Variants in BACH1 observed in about 807,000 individuals in gnomAD.
BACH1 encodes BTB domain and CNC homolog 1.
BACH1 carries 35 observed loss-of-function variants against 52.9 expected under a neutral mutation model. The ratio of observed to expected loss-of-function variants is 0.66; its 90% CI spans 0.51 to 0.88. The LOEUF (loss-of-function observed/expected upper bound fraction) is 0.88. BACH1 is among the 40% of genes least tolerant of loss of function. The probability of loss-of-function intolerance (pLI) is 0.00; values close to 1 mark genes in which losing one functional copy is unlikely to be tolerated. For missense variants in BACH1, 808 were observed against 872.6 expected (o/e 0.93, Z 0.93); for synonymous variants, 321 against 319.6 (o/e 1.00, Z -0.05).
At position 29,343,237 on chromosome 21, in the gene BACH1, T is replaced by C. The variant is rs1371492042; in HGVS notation, c.*404T>C. 1 of 155,894 alleles carries C rather than the reference T, an allele frequency of 6.4e-6. No individual in the cohort carries two copies. The highest frequency in any genetic ancestry group is 1.4e-5 in the Non-Finnish European group (1 of 70,354). 9.7% of individuals were successfully genotyped at this position (155,894 alleles called of 1,614,324 possible). On this transcript the variant is annotated 3_prime_UTR_variant, in exon 5 of 5. Transcript: ENST00000286800. ...CCTGCAGAAGTTTAATAATTTGACT[T>C]TTTTCTAATATTTTAGTTTGAAAGA...
chr21:29,301,957 G>A (rs1321347168), intron 1 of BACH1, among the ~76,000 whole-genome samples: 1 of 152,140 alleles, frequency 6.6e-6, no homozygotes, highest in African/African-American at 2.4e-5. Flanking sequence ...CATGTGCCAT[G>A]TGCCTTCTAC....
chr21:29,344,634 TTGTG>T lies in BACH1; in HGVS notation c.*1833_*1836del, dbSNP rs10595449. 11,375 of 149,204 alleles carry T rather than the reference TTGTG, an allele frequency of 0.076. 758 individuals carry two copies. The highest frequency in any genetic ancestry group is 0.32 in the East Asian group (1,614 of 5,090). The allele number at this position is 149,204 out of a possible 1,614,324, so 9.2% of individuals were successfully genotyped here. ...AGTGCATCCCATACTGCAAAAGAAT[TTGTG>T]TGTGTGTGTGTGTGTGTGTGTGTGT... On this transcript the variant is annotated 3_prime_UTR_variant, in exon 5 of 5. Transcript: ENST00000286800.
intron 1 of BACH1, among the ~76,000 whole-genome samples, chr21:29,320,520 A>G (rs2088835940): frequency 6.6e-6 from 1 of 152,184 alleles, no homozygotes; most frequent in Admixed American, 6.5e-5. Flanking sequence ...TTTTCTTAGC[A>G]TTTTGAGAAA....
chr21:29,312,030 C>T (rs1013579770), intron 1 of BACH1, among the ~76,000 whole-genome samples: 3 of 152,214 alleles, frequency 2.0e-5, no homozygotes, highest in African/African-American at 7.2e-5. Context: ...CCTAGAGCAG[C>T]GCTAGCTGCT....
chr21:29,304,129 CTTTT>C (rs398040580), intron 1 of BACH1, among the ~76,000 whole-genome samples: 1 of 136,914 alleles, frequency 7.3e-6, no homozygotes. Context: ...TTTTTTTTTT[CTTTT>C]TTTTTTTTTT....
chr21:29,317,626 TGTTAA>T (rs964942132), intron 1 of BACH1, among the ~76,000 whole-genome samples: 4 of 152,108 alleles, frequency 2.6e-5, no homozygotes, highest in African/African-American at 9.7e-5. Context: ...CTTGAGGACG[TGTTAA>T]GGATTTTGAA....
intron 4 of BACH1, among the ~76,000 whole-genome samples, chr21:29,334,223 G>C: frequency 6.6e-6 from 1 of 150,804 alleles, no homozygotes; most frequent in Middle Eastern, 3.2e-3. Flanking sequence ...TCGGCCTCCC[G>C]AGTAGCTGGG....
intron 1 of BACH1, among the ~76,000 whole-genome samples, chr21:29,320,388 A>G (rs984670860): frequency 6.6e-6 from 1 of 152,230 alleles, no homozygotes; most frequent in African/African-American, 2.4e-5. Flanking sequence ...TCTGAAAAAT[A>G]TAGATAAGCA....
chr21:29,360,858 A>AC (rs1055288142), intron 2 of BACH1, among the ~76,000 whole-genome samples: 12 of 151,374 alleles, frequency 7.9e-5, no homozygotes, highest in Non-Finnish European at 1.5e-4. Context: ...AAAAAAAAAA[A>AC]AAACAAAAAA....
rs1056830 is a variant in BACH1, at chr21:29,345,212, A to G, written c.*2379A>G. The G allele has an allele frequency of 1.3e-5, 2 of 152,652 alleles. No individual in the cohort carries two copies. Among genetic ancestry groups the G allele is most frequent in the South Asian group, 2.1e-4 (1 of 4,838 alleles). The allele number at this position is 152,652 out of a possible 1,614,324, so 9.5% of individuals were successfully genotyped here. The stretch of plus-strand genomic sequence containing the variant: ...GGCCATAAGTGGGAAAGTTTTCTGT[A>G]TATTGCATAGCATTACACATTTATG... On this transcript the variant is annotated 3_prime_UTR_variant, in exon 5 of 5. Transcript: ENST00000286800.
intron 1 of BACH1, among the ~76,000 whole-genome samples, chr21:29,307,480 CCACCCACTGTTTTACTTTCAG>C (rs1225508714): frequency 6.6e-6 from 1 of 151,992 alleles, no homozygotes; most frequent in African/African-American, 2.4e-5. Context: ...AGTAGGATCC[CCACCCACTGTTTTACTTTCAG>C]CAGTTTGTTA....
chr21:29,327,547 C>CT, intron 3 of BACH1, among the ~76,000 whole-genome samples, 154 bp downstream of exon 3: 1 of 152,284 alleles, frequency 6.6e-6, no homozygotes, highest in East Asian at 1.9e-4. Context: ...TGTGATAGGG[C>CT]TGGGCGCAGT....
intron 1 of BACH1, among the ~76,000 whole-genome samples, chr21:29,302,266 G>A (rs1200902130): frequency 6.6e-6 from 1 of 152,202 alleles, no homozygotes; most frequent in African/African-American, 2.4e-5. Context: ...GATGGCCAAG[G>A]TATGGGTAAT....
At chr21:29,327,880 C>T (rs2088933540) in intron 3 of BACH1, among the ~76,000 whole-genome samples, 1 of 152,216 alleles carries the variant, frequency 6.6e-6, no homozygotes, top group African/African-American at 2.4e-5. Context: ...GTTTGAAGGA[C>T]TTCTGTTCAT....
intron 1 of BACH1, among the ~76,000 whole-genome samples, chr21:29,314,900 C>T (rs1424114744): frequency 6.6e-6 from 1 of 152,134 alleles, no homozygotes; most frequent in Non-Finnish European, 1.5e-5. Flanking sequence ...AGCCTGTAAA[C>T]GGTTAAAGAA....
At position 29,311,654 on chromosome 21, in the gene BACH1, G is replaced by A. The variant is rs529358041; in HGVS notation, c.-60-9567G>A. ...CGTTTACTCTACTATCCCCCCACAT[G>A]TATTTGTAATCTTATTATTCCACTT... On this transcript the variant is annotated intron_variant, in intron 1 of 4. Transcript: ENST00000286800. 3.9e-5 allele frequency among the ~76,000 whole-genome samples: 6 copies of A among 152,244 alleles called. No homozygotes were observed. The South Asian group carries it at 8.3e-4, about 21-fold the overall frequency.
chr21:29,339,021 G>C (rs925775400), intron 4 of BACH1, among the ~76,000 whole-genome samples: 7 of 152,130 alleles, frequency 4.6e-5, no homozygotes, highest in Non-Finnish European at 8.8e-5. Flanking sequence ...ATAGTACTCA[G>C]TAGTGACTGT....
At chr21:29,306,407 T>G (rs544330226) in intron 1 of BACH1, among the ~76,000 whole-genome samples, 18 of 151,884 alleles carry the variant, frequency 1.2e-4, no homozygotes, top group South Asian at 4.2e-4. Context: ...TGAGAAAAAT[T>G]TTTCCCTAAA....
chr21:29,316,618 G>C (rs1285988373), intron 1 of BACH1, among the ~76,000 whole-genome samples: 3 of 152,206 alleles, frequency 2.0e-5, no homozygotes, highest in Non-Finnish European at 1.5e-5. Flanking sequence ...GTCTGATGTA[G>C]TTGTTACGTA....
Sources: gnomAD v4.1 joint callset for allele counts (sites outside exome capture counted in the v4.1 genomes callset) on GRCh38, gnomAD v4.1.1 for gene constraint, MANE v1.5 for transcripts, NCBI Gene and HGNC (gene_info 2026-07-23, HGNC 2026-07-21) for gene names.